LRRC2: variants seen among roughly 807,000 people sequenced by gnomAD.
The protein encoded by LRRC2 is leucine-rich repeat-containing protein 2.
LRRC2 carries 27 observed loss-of-function variants against 40.2 expected under a neutral mutation model. That is an observed-to-expected ratio of 0.67 (90% CI 0.49 to 0.93). LRRC2 has a LOEUF of 0.93. LRRC2 is among the 40% of genes least tolerant of loss of function. The pLI is 0.00. For missense variants in LRRC2, 402 were observed against 439.6 expected, an observed-to-expected ratio of 0.91 and a Z score of 0.76; for synonymous variants, 147 against 158.9, an observed-to-expected ratio of 0.92 and a Z score of 0.56.
intron 3 of LRRC2, among the ~76,000 whole-genome samples, chr3:46,542,726 T>C (rs929757745): frequency 2.6e-5 from 4 of 152,056 alleles, no homozygotes; most frequent in Non-Finnish European, 5.9e-5. Flanking sequence ...GTAGTAAAAA[T>C]GAAAAATTCT....
At chr3:46,561,972 A>C (rs936929426) in intron 1 of LRRC2, among the ~76,000 whole-genome samples, 13 of 152,192 alleles carry the variant, frequency 8.5e-5, no homozygotes, top group African/African-American at 3.1e-4. Flanking sequence ...TGGACAATAA[A>C]ATGTAAAATA....
intron 3 of LRRC2, among the ~76,000 whole-genome samples, chr3:46,542,422 A>C (rs1327397080): frequency 6.6e-6 from 1 of 151,960 alleles, no homozygotes; most frequent in Non-Finnish European, 1.5e-5. Context: ...ACTTGAGTCC[A>C]GGAGATAGAG....
intron 1 of LRRC2, among the ~76,000 whole-genome samples, chr3:46,563,356 CCA>C (rs1704989125): frequency 1.3e-5 from 2 of 152,302 alleles, no homozygotes; most frequent in African/African-American, 4.8e-5. Flanking sequence ...TCCCAGCTTT[CCA>C]CAGAGGCAGT....
intron 2 of LRRC2, among the ~76,000 whole-genome samples, chr3:46,550,111 C>T (rs547803396): frequency 5.9e-5 from 9 of 152,156 alleles, no homozygotes; most frequent in East Asian, 1.9e-4. Context: ...AGAGAAAAGA[C>T]GTTCTAACTA....
chr3:46,545,303 A>G (rs1249854578), intron 2 of LRRC2, 50 bp from the exon 3 acceptor site: 1 of 1,551,064 alleles, frequency 6.4e-7, no homozygotes, highest in Non-Finnish European at 8.8e-7. Context: ...ACTGGCCATC[A>G]CCTGCCTAGA....
At chr3:46,548,075 C>G (rs1195710819) in intron 2 of LRRC2, among the ~76,000 whole-genome samples, 2 of 152,178 alleles carry the variant, frequency 1.3e-5, no homozygotes, top group South Asian at 2.1e-4. Context: ...TCTAACTTTT[C>G]TTTCCTCATT....
chr3:46,536,468 A>G (rs763529422), intron 4 of LRRC2, among the ~76,000 whole-genome samples: 1 of 152,196 alleles, frequency 6.6e-6, no homozygotes, highest in Non-Finnish European at 1.5e-5. Flanking sequence ...AAGAAACTGA[A>G]GAGCAGAGAG....
chr3:46,527,985 T>G (rs983371484), intron 6 of LRRC2, among the ~76,000 whole-genome samples: 2 of 152,190 alleles, frequency 1.3e-5, no homozygotes, highest in Non-Finnish European at 2.9e-5. Flanking sequence ...CACCTCAGCC[T>G]CCCAAAGTGT....
intron 5 of LRRC2, among the ~76,000 whole-genome samples, chr3:46,530,268 G>A (rs1460267015): frequency 6.6e-6 from 1 of 152,114 alleles, no homozygotes; most frequent in Non-Finnish European, 1.5e-5. Flanking sequence ...TGCCTTCCAG[G>A]ATTTTATATT....
chr3:46,528,781 C>T (rs1224383409), intron 6 of LRRC2, among the ~76,000 whole-genome samples: 1 of 152,160 alleles, frequency 6.6e-6, no homozygotes, highest in Non-Finnish European at 1.5e-5. Context: ...CCATTGCTGG[C>T]CTCTGTGTCA....
intron 8 of LRRC2, among the ~76,000 whole-genome samples, chr3:46,521,169 T>G (rs2106973772): frequency 6.6e-6 from 1 of 152,360 alleles, no homozygotes; most frequent in South Asian, 2.1e-4. Context: ...AAACGGATTT[T>G]GAAACGACAT....
At chr3:46,565,628 G>A (rs1280244698) in intron 1 of LRRC2, among the ~76,000 whole-genome samples, 1 of 152,166 alleles carries the variant, frequency 6.6e-6, no homozygotes, top group African/African-American at 2.4e-5. Flanking sequence ...GCTAGCAACA[G>A]GGCAGAGCCG....
chr3:46,533,791 C>G (rs951019721), intron 4 of LRRC2, among the ~76,000 whole-genome samples: 3 of 135,574 alleles, frequency 2.2e-5, no homozygotes, highest in Non-Finnish European at 4.7e-5. Context: ...TTCTTTCTTT[C>G]TTTCTTTGTT....
chr3:46,533,711 TTCCTTC>T (rs1704201017), intron 4 of LRRC2, among the ~76,000 whole-genome samples: 2 of 100,612 alleles, frequency 2.0e-5, no homozygotes, highest in Non-Finnish European at 2.1e-5. Flanking sequence ...GTTTCCTTCC[TTCCTTC>T]CTTCCTTCCT....
At chr3:46,552,387 A>C (rs906238637) in intron 1 of LRRC2, among the ~76,000 whole-genome samples, 2 of 151,948 alleles carry the variant, frequency 1.3e-5, no homozygotes, top group African/African-American at 4.8e-5. Flanking sequence ...AATCTAAAAA[A>C]AAAAAAAAGC....
At chr3:46,555,394 ACT>A (rs959224660) in intron 1 of LRRC2, among the ~76,000 whole-genome samples, 3 of 152,006 alleles carry the variant, frequency 2.0e-5, no homozygotes, top group Non-Finnish European at 4.4e-5. Context: ...TAATTTTATT[ACT>A]TTTTTTCTAT....
chr3:46,531,326 G>A (rs1704157597), intron 5 of LRRC2, among the ~76,000 whole-genome samples: 1 of 151,910 alleles, frequency 6.6e-6, no homozygotes, highest in African/African-American at 2.4e-5. Flanking sequence ...TGATGGAAAA[G>A]GCCTAAATTT....
intron 5 of LRRC2, among the ~76,000 whole-genome samples, chr3:46,530,951 A>G (rs1200697532): frequency 3.3e-5 from 5 of 152,326 alleles, no homozygotes; most frequent in Admixed American, 2.6e-4. Flanking sequence ...TATCAGACAA[A>G]TTATATTTAA....
rs987539697 is a variant in LRRC2 at position 46,518,727 on chromosome 3, C to G, written c.*287G>C. On this transcript the variant is annotated 3_prime_UTR_variant, in exon 9 of 9. Coordinates refer to ENST00000395905, the MANE Select transcript of LRRC2 (RefSeq NM_024512.5). ...AGTATTTGGTCTTTTAGTTATAATT[C>G]TTAAAAATAAGACATTTTAAAACAT... 4 of 286,928 alleles carry G rather than the reference C, an allele frequency of 1.4e-5. No individual in the cohort carries two copies. Among genetic ancestry groups the G allele is most frequent in the South Asian group, 2.7e-4 (2 of 7,518 alleles). The allele number at this position is 286,928 out of a possible 1,614,324, so 17.8% of individuals were successfully genotyped here.
Sources: gnomAD v4.1 joint callset for allele counts (sites outside exome capture counted in the v4.1 genomes callset) on GRCh38, gnomAD v4.1.1 for gene constraint, MANE v1.5 for transcripts, NCBI Gene and HGNC (gene_info 2026-07-23, HGNC 2026-07-21) for gene names.